Variants in PCLO observed in about 807,000 individuals in gnomAD.
The protein encoded by PCLO is protein piccolo.
PCLO carries 82 observed loss-of-function variants against 427.5 expected under a neutral mutation model. That is an observed-to-expected ratio of 0.19 (90% CI 0.16 to 0.23). The LOEUF (loss-of-function observed/expected upper bound fraction) is 0.23. Among genes scored for constraint, PCLO ranks in the 10% least tolerant of loss-of-function variants. The pLI is 1.00. For synonymous variants in PCLO, 2,357 were observed against 2,155.4 expected (o/e 1.09, Z -2.59); for missense variants, 6,239 against 6,115.9 (o/e 1.02, Z -0.67).
chr7:83,020,185 C>T (rs568286937), intron 3 of PCLO, among the ~76,000 whole-genome samples: 2 of 151,946 alleles, frequency 1.3e-5, no homozygotes, highest in South Asian at 2.1e-4. Context: ...AGTTTGACCC[C>T]TAAGTGTTTA....
At chr7:82,848,610 C>T (rs1384438136) in intron 10 of PCLO, among the ~76,000 whole-genome samples, 5 of 152,082 alleles carry the variant, frequency 3.3e-5, no homozygotes, top group African/African-American at 1.2e-4. Context: ...TGTGCCTGGC[C>T]TGAACCATTA....
intron 7 of PCLO, among the ~76,000 whole-genome samples, chr7:82,912,683 TCA>T (rs1216806850): frequency 6.6e-6 from 1 of 152,120 alleles, no homozygotes; most frequent in Admixed American, 6.6e-5. Context: ...ACAATGTTTT[TCA>T]CACAGTCTTT....
At chr7:83,125,706 C>A (rs1007408258) in intron 3 of PCLO, among the ~76,000 whole-genome samples, 1 of 152,032 alleles carries the variant, frequency 6.6e-6, no homozygotes, top group South Asian at 2.1e-4. Flanking sequence ...TAAGAGTCAT[C>A]GCCACGCCCT....
intron 7 of PCLO, among the ~76,000 whole-genome samples, chr7:82,909,565 T>A (rs1202472217): frequency 6.6e-6 from 1 of 152,128 alleles, no homozygotes; most frequent in African/African-American, 2.4e-5. Context: ...GTATTCCTTG[T>A]GTATGGAAGT....
At chr7:83,026,176 C>G (rs1215208919) in intron 3 of PCLO, among the ~76,000 whole-genome samples, 7 of 152,114 alleles carry the variant, frequency 4.6e-5, no homozygotes, top group Admixed American at 3.9e-4. Context: ...GATAAGGAGT[C>G]AAGACCCATC....
intron 10 of PCLO, among the ~76,000 whole-genome samples, chr7:82,855,382 C>A (rs1032939197): frequency 1.3e-5 from 2 of 152,180 alleles, no homozygotes; most frequent in Admixed American, 6.6e-5. Context: ...TAGGCCAATG[C>A]ATGTATCAGT....
In PCLO at chr7:83,135,266, G is replaced by C. The variant is rs2116618391; in HGVS notation, c.2284C>G (p.Pro762Ala). 6.2e-7 allele frequency: 1 copy of C among 1,613,878 alleles called. No homozygotes were observed. The highest frequency in any genetic ancestry group is 1.1e-5 in the South Asian group (1 of 91,062). ...GATGAAGATACAAGGTCAGTGGTTG[G>C]CTTTACCATCTTGGGCTGCTTTGGT... ...DKPKQPKMVK[P>A]TTDLVSSSSA... Residue 762 changes from proline (P) to alanine (A), a missense_variant, in exon 3 of 25, where the codon CCA becomes GCA. Physicochemically the swap from Pro to Ala is conservative, Grantham distance 27. This residue lies in a region of PCLO where 4,677 missense variants were observed against 4,468.4 expected (regional missense o/e 1.05). Coordinates refer to ENST00000333891, the MANE Select transcript of PCLO (RefSeq NM_033026.6).
intron 3 of PCLO, among the ~76,000 whole-genome samples, chr7:83,058,784 C>G (rs986593418): frequency 6.6e-6 from 1 of 152,070 alleles, no homozygotes; most frequent in Non-Finnish European, 1.5e-5. Flanking sequence ...ACAGCTCACC[C>G]TCTTAACAAC....
intron 3 of PCLO, among the ~76,000 whole-genome samples, chr7:83,108,234 T>C (rs568751861): frequency 2.0e-5 from 3 of 152,178 alleles, no homozygotes; most frequent in South Asian, 2.1e-4. Flanking sequence ...AGGCAAGTAA[T>C]GTGTTTTCCT....
At chr7:83,133,386 A>G (rs1791622665) in intron 3 of PCLO, among the ~76,000 whole-genome samples, 1 of 152,044 alleles carries the variant, frequency 6.6e-6, no homozygotes, top group Admixed American at 6.5e-5. Flanking sequence ...TTACTTATTT[A>G]AGACAGCAGT....
chr7:82,760,763 A>C lies in PCLO; in HGVS notation c.15164T>G (p.Val5055Gly), dbSNP rs1412059677. 2 of 1,480,336 alleles carry C rather than the reference A, an allele frequency of 1.4e-6. No individual in the cohort carries two copies. The allele number at this position is 1,480,336 out of a possible 1,614,324, so 91.7% of individuals were successfully genotyped here. Residue 5055 changes from valine (V) to glycine (G), a missense_variant, in exon 24 of 25, where the codon GTG (valine) becomes GGG (glycine). Transcript: ENST00000333891. ...CTTTTTTTGGGTAGAAATATTCATC[A>C]CATATATTTTCACATATAAATCTGA... ...HLPDLYVKIY[V>G]MNISTQKKVI...
chr7:82,989,076 G>A (rs1248581652), intron 3 of PCLO, among the ~76,000 whole-genome samples: 4 of 151,710 alleles, frequency 2.6e-5, no homozygotes, highest in African/African-American at 9.7e-5. Context: ...CGCCCTCCTC[G>A]GCCTCCCAAA....
Position 82,845,401 on chromosome 7 carries a change from A to C in PCLO, c.13916T>G (p.Val4639Gly). The change falls in exon 13 of 25, where the codon GTT becomes GGT. Residue 4639 changes from valine (V) to glycine (G), a missense_variant. By Grantham distance (109) the Val-to-Gly change is moderately radical (BLOSUM62 -3). Transcript: ENST00000333891. ...QKVSLQQSPL[V>G]LSSVVEKGSH... The stretch of plus-strand genomic sequence containing the variant: ...TCCTTTTTCAACAACTGATGACAGA[A>C]CCAGCGGTGACTGCTGTAGTGAAAC... 6.2e-7 allele frequency: 1 copy of C among 1,613,234 alleles called. No individual in the cohort carries two copies. Among genetic ancestry groups the C allele is most frequent in the Non-Finnish European group, 8.5e-7 (1 of 1,179,500 alleles).
chr7:82,954,368 A>G lies in PCLO; in HGVS notation c.6585T>C (p.Asp2195=). The part of the protein sequence containing the change: ...TSSVSSVCTT[D]SSSPITTLDS... Reference sequence around the variant, plus strand: ...CCAGGGTAGTAATGGGTGAAGAGCTATCTGTGGTACAGACCGAAGAAACAG... The same window carrying G: ...CCAGGGTAGTAATGGGTGAAGAGCTGTCTGTGGTACAGACCGAAGAAACAG... The change falls in exon 5 of 25, where the codon GAT becomes GAC. Residue 2195 remains aspartate, a synonymous_variant. Coordinates refer to ENST00000333891, the MANE Select transcript of PCLO (RefSeq NM_033026.6). 6.2e-7 allele frequency: 1 copy of G among 1,613,922 alleles called. No individual in the cohort carries two copies. The highest frequency in any genetic ancestry group is 1.1e-5 in the South Asian group (1 of 91,080).
Position 82,824,303 on chromosome 7 carries a change from G to A in PCLO, c.14529C>T (p.Ser4843=), listed in dbSNP as rs751724516. 1 of 1,613,488 alleles carries A rather than the reference G, an allele frequency of 6.2e-7. No homozygotes were observed. Among genetic ancestry groups the A allele is most frequent in the Non-Finnish European group, 8.5e-7 (1 of 1,179,704 alleles). Residue 4843 remains serine (S), a synonymous_variant, in exon 19 of 25, where the codon AGC becomes AGT. Transcript: ENST00000333891. ...DHGKSHSSQS[S]QQSPKPSVIK... Reference sequence around the variant, plus strand: ...TAACAGATGGCTTTGGGGACTGCTGGCTGCTCTGACTGGAATGAGACTTGC... The same window carrying A: ...TAACAGATGGCTTTGGGGACTGCTGACTGCTCTGACTGGAATGAGACTTGC...
intron 2 of PCLO, among the ~76,000 whole-genome samples, chr7:83,139,596 A>G (rs1158132892): frequency 1.3e-5 from 2 of 152,236 alleles, no homozygotes; most frequent in Non-Finnish European, 2.9e-5. Context: ...AGTAAAAATG[A>G]GGTGGAAAAT....
chr7:83,050,656 C>T (rs1201922284), intron 3 of PCLO, among the ~76,000 whole-genome samples: 4 of 151,630 alleles, frequency 2.6e-5, no homozygotes, highest in African/African-American at 9.7e-5. Flanking sequence ...AATGTAATTC[C>T]ACCTTGGGAG....
chr7:82,993,093 C>A (rs936768687), intron 3 of PCLO, among the ~76,000 whole-genome samples: 1 of 151,932 alleles, frequency 6.6e-6, no homozygotes, highest in Non-Finnish European at 1.5e-5. Flanking sequence ...GAAACTCTAA[C>A]CACATATTAT....
At chr7:82,929,404 T>TA (rs913307030) in intron 6 of PCLO, among the ~76,000 whole-genome samples, 4 of 152,124 alleles carry the variant, frequency 2.6e-5, no homozygotes, top group Non-Finnish European at 4.4e-5. Context: ...TGCTGGGACT[T>TA]AATCTATGTT....
Sources: allele counts gnomAD v4.1 joint callset (sites outside exome capture counted in the v4.1 genomes callset), GRCh38; gene constraint gnomAD v4.1.1; regional missense constraint gnomAD v4.1.1; transcripts MANE v1.5; gene names NCBI Gene and HGNC (gene_info 2026-07-23, HGNC 2026-07-21).